The following PARVA variants were observed in gnomAD, a reference collection of about 807,000 sequenced individuals.
PARVA encodes the protein parvin alpha.
Under a neutral mutation model 52.6 loss-of-function variants are expected in PARVA, and 25 were observed. The ratio of observed to expected loss-of-function variants is 0.48; its 90% CI spans 0.35 to 0.66. The LOEUF (loss-of-function observed/expected upper bound fraction) is 0.66. Among genes scored for constraint, PARVA ranks in the 30% least tolerant of loss-of-function variants. PARVA has a pLI of 0.01. For synonymous variants in PARVA, 185 were observed against 179.1 expected (o/e 1.03, Z -0.26); for missense variants, 373 against 450.9 (o/e 0.83, Z 1.56).
chr11:12,505,808 G>T (rs1941425364), intron 6 of PARVA, among the ~76,000 whole-genome samples: 1 of 151,626 alleles, frequency 6.6e-6, no homozygotes, highest in Admixed American at 6.6e-5. Context: ...ACCAATCAAT[G>T]ATGTGTGAAT....
At chr11:12,393,043 T>TAAAAAAAAAAAAAAAAAAAAAAA (rs1565325536) in intron 1 of PARVA, among the ~76,000 whole-genome samples, 1 of 78,590 alleles carries the variant, frequency 1.3e-5, no homozygotes, top group Non-Finnish European at 2.6e-5. Context: ...CCCCAAATTG[T>TAAAAAAAAAAAAAAAAAAAAAAA]GAAAAAAAAA....
chr11:12,488,713 C>A (rs967426944), intron 4 of PARVA, among the ~76,000 whole-genome samples: 1 of 152,186 alleles, frequency 6.6e-6, no homozygotes, highest in African/African-American at 2.4e-5. Context: ...GATAACTCCT[C>A]ATCAAAAGTC....
intron 1 of PARVA, among the ~76,000 whole-genome samples, chr11:12,380,703 G>A (rs1337245029): frequency 7.0e-6 from 1 of 142,850 alleles, no homozygotes; most frequent in African/African-American, 2.8e-5. Flanking sequence ...AGTCACCATA[G>A]TACAGTTGTA....
rs756311657 is a variant in PARVA, at chr11:12,528,587, G to A, written c.*662G>A. 2.0e-5 allele frequency: 3 copies of A among 152,630 alleles called. No individual in the cohort carries two copies. Among genetic ancestry groups the A allele is most frequent in the Non-Finnish European group, 4.4e-5 (3 of 68,248 alleles). The allele number at this position is 152,630 out of a possible 1,614,324, so 9.5% of individuals were successfully genotyped here. A position where few individuals can be genotyped will look rare whatever the true frequency, so the allele number is the denominator to read the frequency against. ...ACAAGCCAATTACATTATGTTCTTTGCATGTTCTAAAGTTGTGTATGTGTG... is the reference window on the plus strand; with the variant it reads ...ACAAGCCAATTACATTATGTTCTTTACATGTTCTAAAGTTGTGTATGTGTG... On this transcript the variant is annotated 3_prime_UTR_variant, in exon 13 of 13. Transcript: ENST00000334956.
intron 1 of PARVA, among the ~76,000 whole-genome samples, chr11:12,416,734 G>A (rs981066973): frequency 3.3e-5 from 5 of 151,358 alleles, no homozygotes; most frequent in African/African-American, 9.7e-5. Context: ...AGATAGGGAG[G>A]AGGCAGAGAA....
At chr11:12,449,089 T>A (rs1940586899) in intron 1 of PARVA, among the ~76,000 whole-genome samples, 1 of 152,108 alleles carries the variant, frequency 6.6e-6, no homozygotes, top group South Asian at 2.1e-4. Context: ...GAAATTTCAA[T>A]CTCAATAAAA....
In PARVA at chr11:12,406,310, T is replaced by C. The variant is rs566318484; in HGVS notation, c.136+28527T>C. Among the ~76,000 whole-genome samples, 11 of 152,360 alleles carry C rather than the reference T, an allele frequency of 7.2e-5. No individual in the cohort carries two copies. The East Asian group carries it at 2.1e-3, about 29-fold the overall frequency. On this transcript the variant is annotated intron_variant, in intron 1 of 12. Transcript: ENST00000334956. ...TTCTTAAGGCTTTTGACTGATTGGA[T>C]GAGGTCCAGCCACGTTATGGAGGAT...
chr11:12,393,044 G>GAAAAAAAAAAAAAAAAAA (rs60966710), intron 1 of PARVA, among the ~76,000 whole-genome samples: 98 of 46,032 alleles, frequency 2.1e-3, no homozygotes, highest in Middle Eastern at 0.025. Context: ...CCCAAATTGT[G>GAAAAAAAAAAAAAAAAAA]AAAAAAAAAA....
intron 11 of PARVA, 54 bp downstream of exon 11, chr11:12,517,765 G>A: frequency 8.1e-7 from 1 of 1,240,238 alleles, no homozygotes; most frequent in East Asian, 2.5e-5. Flanking sequence ...CCTGACTCAT[G>A]TGCCCACACC....
At chr11:12,402,270 A>G (rs7949469) in intron 1 of PARVA, among the ~76,000 whole-genome samples, 6,511 of 152,264 alleles carry the variant, frequency 0.043, 344 homozygotes, top group African/African-American at 0.13. Flanking sequence ...GCCTCAGCAG[A>G]AACTGTGGCC....
intron 12 of PARVA, among the ~76,000 whole-genome samples, chr11:12,522,437 T>TTTC (rs1941649081): frequency 6.7e-6 from 1 of 150,008 alleles, no homozygotes; most frequent in Admixed American, 6.7e-5. Flanking sequence ...TTTTTTTTTT[T>TTTC]TCTTGAGACG....
chr11:12,477,990 C>T, intron 4 of PARVA, 41 bp downstream of exon 4: 3 of 1,104,086 alleles, frequency 2.7e-6, no homozygotes, highest in Non-Finnish European at 4.2e-6. Context: ...TGTTTAATTG[C>T]AGGTGGTTGG....
intron 1 of PARVA, among the ~76,000 whole-genome samples, chr11:12,407,138 T>C (rs149025359): frequency 1.9e-3 from 285 of 152,334 alleles, no homozygotes; most frequent in African/African-American, 6.4e-3. Context: ...CCCTGGGATG[T>C]TGCTTCTCAA....
upstream of PARVA, chr11:12,377,397 C>T (rs778487541): frequency 6.6e-6 from 9 of 1,360,548 alleles, no homozygotes; most frequent in Non-Finnish European, 7.5e-6. Flanking sequence ...GGGCATCCTC[C>T]CTGCTTGGGG....
intron 1 of PARVA, among the ~76,000 whole-genome samples, chr11:12,382,381 C>CTT (rs546439424): frequency 7.1e-4 from 91 of 128,352 alleles, no homozygotes; most frequent in Middle Eastern, 8.1e-3. Context: ...GTAACTTTTT[C>CTT]TTTTTTTTTT....
chr11:12,522,916 G>C (rs1941656614), intron 12 of PARVA, among the ~76,000 whole-genome samples: 1 of 152,244 alleles, frequency 6.6e-6, no homozygotes, highest in East Asian at 1.9e-4. Context: ...AGAAAAGCAA[G>C]GAAGTAATCA....
chr11:12,440,066 C>G (rs1363873463), intron 1 of PARVA, among the ~76,000 whole-genome samples: 1 of 152,220 alleles, frequency 6.6e-6, no homozygotes, highest in Non-Finnish European at 1.5e-5. Flanking sequence ...TATAAACTCC[C>G]TGTGAGCAGG....
intron 1 of PARVA, among the ~76,000 whole-genome samples, chr11:12,438,261 A>C (rs76147857): frequency 6.8e-6 from 1 of 146,074 alleles, no homozygotes; most frequent in Non-Finnish European, 1.5e-5. Context: ...CTGCATCTCA[A>C]AAAAAAAAAA....
chr11:12,399,584 C>T (rs1939796822), intron 1 of PARVA, among the ~76,000 whole-genome samples: 1 of 152,232 alleles, frequency 6.6e-6, no homozygotes, highest in Non-Finnish European at 1.5e-5. Flanking sequence ...CAGGCTGATG[C>T]TGGTCTGCAG....
Sources: gnomAD v4.1 joint callset for allele counts (sites outside exome capture counted in the v4.1 genomes callset) on GRCh38, gnomAD v4.1.1 for gene constraint, MANE v1.5 for transcripts, NCBI Gene and HGNC (gene_info 2026-07-23, HGNC 2026-07-21) for gene names.